DAAM1: variants seen among roughly 807,000 people sequenced by gnomAD.
The protein encoded by DAAM1 is disheveled-associated activator of morphogenesis 1.
A neutral mutation model predicts 130.0 loss-of-function variants in DAAM1; 52 were observed. That is an observed-to-expected ratio of 0.40 (90% confidence interval 0.32 to 0.50). The LOEUF (loss-of-function observed/expected upper bound fraction) is 0.50. DAAM1 is among the 20% of genes least tolerant of loss of function. The pLI is 0.61. For missense variants in DAAM1, 1,134 were observed against 1,303.8 expected (o/e 0.87, Z 2.01); for synonymous variants, 452 against 444.5 (o/e 1.02, Z -0.21).
chr14:59,233,385 A>G (rs1433232202), intron 1 of DAAM1, among the ~76,000 whole-genome samples: 1 of 152,142 alleles, frequency 6.6e-6, no homozygotes. Context: ...TTCTCTAATG[A>G]TCAGTGATGA....
At chr14:59,227,765 T>C (rs146125457) in intron 1 of DAAM1, among the ~76,000 whole-genome samples, 37 of 152,322 alleles carry the variant, frequency 2.4e-4, no homozygotes, top group Non-Finnish European at 3.1e-4. Flanking sequence ...TGTGTTTCCA[T>C]CAGTGCTGGG....
rs1887158306 is a variant in DAAM1, at chr14:59,371,184, T to A, written c.*2325T>A. ...TCTCTCTTGGGTGTGTATTTTAAACTTTTTTTGTTTTTTTAAATTAATGCC... is the reference window on the plus strand; with the variant it reads ...TCTCTCTTGGGTGTGTATTTTAAACATTTTTTGTTTTTTTAAATTAATGCC... On this transcript the variant is annotated 3_prime_UTR_variant, in exon 25 of 25. Coordinates refer to ENST00000360909, the MANE Select transcript of DAAM1 (RefSeq NM_001270520.2). 2.6e-5 allele frequency: 4 copies of A among 151,916 alleles called. No individual in the cohort carries two copies. Among genetic ancestry groups the A allele is most frequent in the Admixed American group, 2.6e-4 (4 of 15,268 alleles). The allele number at this position is 151,916 out of a possible 1,614,324, so 9.4% of individuals were successfully genotyped here.
chr14:59,331,844 T>C lies in DAAM1; in HGVS notation c.1892T>C (p.Ile631Thr), dbSNP rs1020706529. 1.2e-6 allele frequency: 2 copies of C among 1,614,002 alleles called. No individual in the cohort carries two copies. Among genetic ancestry groups the C allele is most frequent in the East Asian group, 2.2e-5 (1 of 44,890 alleles). ...CTGGAAGGAACAGTATGGACCGAAA[T>C]TGATGATACAAAAGTCTTCAAAATT... ...NKLEGTVWTE[I>T]DDTKVFKILD... Residue 631 changes from isoleucine to threonine, a missense_variant, in exon 15 of 25, where the codon ATT becomes ACT. Physicochemically the swap from Ile to Thr is moderately conservative, Grantham distance 89. This residue lies in a region of DAAM1 where 644 missense variants were observed against 695.9 expected (regional missense o/e 0.93). Coordinates refer to ENST00000360909, the MANE Select transcript of DAAM1 (RefSeq NM_001270520.2).
At chr14:59,219,673 A>G (rs1480108617) in intron 1 of DAAM1, among the ~76,000 whole-genome samples, 1 of 152,218 alleles carries the variant, frequency 6.6e-6, no homozygotes, top group Non-Finnish European at 1.5e-5. Flanking sequence ...AGGTATAGTC[A>G]AGACTTAGTG....
intron 16 of DAAM1, among the ~76,000 whole-genome samples, chr14:59,343,688 C>T (rs1885941575): frequency 6.6e-6 from 1 of 152,152 alleles, no homozygotes; most frequent in Admixed American, 6.5e-5. Flanking sequence ...ACCTTTTGGT[C>T]AGGGGCACCT....
chr14:59,287,945 G>A (rs1579663), intron 2 of DAAM1, among the ~76,000 whole-genome samples: 128,271 of 152,154 alleles, frequency 0.84, 54,227 homozygotes, highest in East Asian at 1. Context: ...TAGAACCAAA[G>A]AGGAGCACGG....
intron 17 of DAAM1, among the ~76,000 whole-genome samples, chr14:59,352,240 A>G (rs1886317601): frequency 6.6e-6 from 1 of 152,168 alleles, no homozygotes; most frequent in South Asian, 2.1e-4. Flanking sequence ...AGGTCCTTCT[A>G]GTGGTCTGTG....
intron 1 of DAAM1, among the ~76,000 whole-genome samples, chr14:59,244,725 GGTGT>G (rs529210462): frequency 1.6e-3 from 247 of 152,184 alleles, no homozygotes; most frequent in Non-Finnish European, 3.0e-3. Context: ...GTGTACGTGT[GGTGT>G]GTGTGTGTAT....
Position 59,361,897 on chromosome 14 carries a change from T to C in DAAM1, c.2694+1035T>C, listed in dbSNP as rs17834044. Among the ~76,000 whole-genome samples, 1,186 of 152,294 alleles carry C rather than the reference T, an allele frequency of 7.8e-3. 5 individuals are homozygous for C. The highest frequency in any genetic ancestry group is 0.014 in the Middle Eastern group (4 of 294). ...TGAGGACTCTCCCTTCTTTTCGTTT[T>C]TGAATCACAAAACTGCCATAGAAAG... On this transcript the variant is annotated intron_variant, in intron 22 of 24. Coordinates refer to ENST00000360909, the MANE Select transcript of DAAM1 (RefSeq NM_001270520.2).
chr14:59,346,142 G>C (rs1044404368), intron 16 of DAAM1, among the ~76,000 whole-genome samples: 7 of 129,550 alleles, frequency 5.4e-5, no homozygotes, highest in East Asian at 4.5e-4. Context: ...TTTTTTTGGG[G>C]GGGGGGGGGT....
At chr14:59,351,564 G>A (rs1886294339) in intron 17 of DAAM1, among the ~76,000 whole-genome samples, 1 of 152,078 alleles carries the variant, frequency 6.6e-6, no homozygotes, top group African/African-American at 2.4e-5. Flanking sequence ...TGCCTGGAAT[G>A]TATTCCAGCC....
intron 1 of DAAM1, among the ~76,000 whole-genome samples, chr14:59,237,825 T>G (rs1426218555): frequency 6.6e-6 from 1 of 152,174 alleles, no homozygotes; most frequent in Non-Finnish European, 1.5e-5. Flanking sequence ...GTCCCATATA[T>G]TCCTTTGAAG....
chr14:59,263,730 A>C, intron 2 of DAAM1, 70 bp downstream of exon 2: 4 of 1,599,044 alleles, frequency 2.5e-6, no homozygotes, highest in Non-Finnish European at 3.4e-6. Context: ...GATGTGAATG[A>C]GTTGGTTTGG....
At chr14:59,344,384 C>T (rs189024380) in intron 16 of DAAM1, among the ~76,000 whole-genome samples, 3 of 152,308 alleles carry the variant, frequency 2.0e-5, no homozygotes, top group African/African-American at 7.2e-5. Context: ...TGGTTTGTTT[C>T]CTGCCTTGTA....
chr14:59,223,041 A>G (rs918772059), intron 1 of DAAM1, among the ~76,000 whole-genome samples: 9 of 152,230 alleles, frequency 5.9e-5, no homozygotes, highest in African/African-American at 2.2e-4. Flanking sequence ...TGTAGTGCAG[A>G]ATCATCTGCA....
chr14:59,289,353 A>G (rs1022481420), intron 2 of DAAM1, among the ~76,000 whole-genome samples: 1 of 152,190 alleles, frequency 6.6e-6, no homozygotes, highest in South Asian at 2.1e-4. Context: ...ACAGTTTGAC[A>G]TGAGATTTGG....
chr14:59,319,014 C>A (rs1884897882), intron 4 of DAAM1, among the ~76,000 whole-genome samples: 1 of 152,192 alleles, frequency 6.6e-6, no homozygotes, highest in Admixed American at 6.5e-5. Flanking sequence ...AGGCTGGATT[C>A]TGAGCTACAG....
At chr14:59,240,466 G>T (rs1328250446) in intron 1 of DAAM1, among the ~76,000 whole-genome samples, 1 of 152,028 alleles carries the variant, frequency 6.6e-6, no homozygotes, top group Non-Finnish European at 1.5e-5. Flanking sequence ...GGGGAAAAAA[G>T]TTCATTGAAT....
At position 59,286,916 on chromosome 14, in the gene DAAM1, A is replaced by G. The variant is rs539978646; in HGVS notation, c.184-4301A>G. ...TATTCCAAAAATTCAAAGAGAAGGG[A>G]CTCCTCCCTAACTCTCTAAAACCAG... On this transcript the variant is annotated intron_variant, in intron 2 of 24. Transcript: ENST00000360909. Among the ~76,000 whole-genome samples, 28 of 152,218 alleles carry G rather than the reference A, an allele frequency of 1.8e-4. 1 individual carries two copies. The highest frequency in any genetic ancestry group is 1.1e-3 in the Admixed American group (17 of 15,284).
Sources: gnomAD v4.1 joint callset for allele counts (sites outside exome capture counted in the v4.1 genomes callset) on GRCh38, gnomAD v4.1.1 for gene constraint, gnomAD v4.1.1 regional missense constraint, MANE v1.5 for transcripts, NCBI Gene and HGNC (gene_info 2026-07-23, HGNC 2026-07-21) for gene names.